PLD3: variants seen among roughly 807,000 people sequenced by gnomAD.
PLD3 encodes the protein 5'-3' exonuclease PLD3.
A neutral mutation model predicts 58.4 loss-of-function variants in PLD3; 31 were observed. The ratio of observed to expected loss-of-function variants is 0.53; its 90% CI spans 0.40 to 0.72. The LOEUF (loss-of-function observed/expected upper bound fraction) is 0.72. PLD3 is among the 30% of genes least tolerant of loss of function. PLD3 has a pLI of 0.00. For missense variants in PLD3, 595 were observed against 659.8 expected (o/e 0.90, Z 1.08); for synonymous variants, 264 against 273.4 (o/e 0.97, Z 0.34).
chr19:40,373,664 CA>C (rs1256228349), intron 9 of PLD3, among the ~76,000 whole-genome samples: 3 of 151,008 alleles, frequency 2.0e-5, no homozygotes, highest in Non-Finnish European at 1.5e-5. Flanking sequence ...GGTTCCCAGT[CA>C]AGGCAGGCTG....
chr19:40,365,237 T>C (rs1228699032), intron 1 of PLD3, among the ~76,000 whole-genome samples: 1 of 152,034 alleles, frequency 6.6e-6, no homozygotes, highest in African/African-American at 2.4e-5. Flanking sequence ...AGGAAAGGGG[T>C]CTCCAGTGTA....
At chr19:40,355,756 C>T (rs2078641520) in intron 1 of PLD3, 2 of 151,480 alleles carry the variant, frequency 1.3e-5, no homozygotes, top group African/African-American at 4.9e-5. Context: ...TTCCTATGCT[C>T]CATGGTACTG....
chr19:40,351,760 G>T, intron 1 of PLD3, among the ~76,000 whole-genome samples: 1 of 152,192 alleles, frequency 6.6e-6, no homozygotes, highest in Non-Finnish European at 1.5e-5. Context: ...CAGAAGGCTG[G>T]CTTTTACTCC....
intron 1 of PLD3, chr19:40,358,112 T>C (rs1451766019): frequency 6.6e-6 from 1 of 152,390 alleles, no homozygotes; most frequent in East Asian, 1.9e-4. Context: ...TTTGAGACCG[T>C]GTCTTGCTCT....
At chr19:40,374,437 T>A in intron 9 of PLD3, 44 bp from the exon 10 acceptor site, 4 of 1,608,668 alleles carry the variant, frequency 2.5e-6, no homozygotes, top group South Asian at 1.1e-5. Flanking sequence ...GTTGTGACGA[T>A]GACCCTGGCA....
Position 40,378,282 on chromosome 19 carries a change from T to A in PLD3, c.*109T>A. 9.7e-7 allele frequency: 1 copy of A among 1,025,910 alleles called. No homozygotes were observed. Among genetic ancestry groups the A allele is most frequent in the Non-Finnish European group, 1.5e-6 (1 of 660,516 alleles). 63.6% of individuals were successfully genotyped at this position (1,025,910 alleles called of 1,614,324 possible). A position where few individuals can be genotyped will look rare whatever the true frequency, so the allele number is the denominator to read the frequency against. On this transcript the variant is annotated 3_prime_UTR_variant, in exon 13 of 13. Coordinates refer to ENST00000409735, the MANE Select transcript of PLD3 (RefSeq NM_012268.4). ...CCGCTTCTGTCTGCCCCATTGTGGCTCCTCAGGCTCTCTCCCCTGCTCTCC... is the reference window on the plus strand; with the variant it reads ...CCGCTTCTGTCTGCCCCATTGTGGCACCTCAGGCTCTCTCCCCTGCTCTCC...
chr19:40,373,576 CAAA>C (rs1250262822), intron 9 of PLD3, among the ~76,000 whole-genome samples: 3 of 73,578 alleles, frequency 4.1e-5, no homozygotes, highest in Non-Finnish European at 2.7e-5. Flanking sequence ...GACTCCACTT[CAAA>C]AAAAAAAAAA....
At chr19:40,353,829 T>C (rs932377672) in intron 1 of PLD3, among the ~76,000 whole-genome samples, 13 of 152,008 alleles carry the variant, frequency 8.6e-5, no homozygotes, top group East Asian at 2.0e-4. Flanking sequence ...CCGCCCGCCT[T>C]GGCCTCCCAA....
chr19:40,372,863 C>T (rs896580127), intron 9 of PLD3, among the ~76,000 whole-genome samples: 2 of 152,032 alleles, frequency 1.3e-5, no homozygotes, highest in Admixed American at 1.3e-4. Flanking sequence ...GAGGCTGTTG[C>T]CCTGTCTCCA....
intron 1 of PLD3, among the ~76,000 whole-genome samples, chr19:40,349,411 C>T (rs1318139246): frequency 1.3e-5 from 2 of 152,148 alleles, no homozygotes; most frequent in Admixed American, 6.5e-5. Context: ...TCCGTGTCTT[C>T]GTCATTTCCC....
Position 40,367,842 on chromosome 19 carries a change from A to T in PLD3, c.392A>T (p.Asn131Ile). ...GCCTCCTTCTACTGGACCCTCACCA[A>T]CAATGACACCCACACGCAGGAGCCC... ...DIASFYWTLTNNDTHTQEPSA... is the reference protein window; with the variant it reads ...DIASFYWTLTINDTHTQEPSA... The change falls in exon 6 of 13, where the codon AAC (asparagine) becomes ATC (isoleucine). Residue 131 changes from asparagine to isoleucine, a missense_variant. Coordinates refer to ENST00000409735, the MANE Select transcript of PLD3 (RefSeq NM_012268.4). 1.9e-6 allele frequency: 3 copies of T among 1,579,274 alleles called. No homozygotes were observed. Among genetic ancestry groups the T allele is most frequent in the Non-Finnish European group, 2.6e-6 (3 of 1,164,292 alleles).
chr19:40,378,416 C>T lies in PLD3; in HGVS notation c.*243C>T. On this transcript the variant is annotated 3_prime_UTR_variant, in exon 13 of 13. Transcript: ENST00000409735. ...TGGGGGTGCATGCTGGGCCTGGCCCCCTGGCCCACCCCCACTTTCCAGGGC... is the reference window on the plus strand; with the variant it reads ...TGGGGGTGCATGCTGGGCCTGGCCCTCTGGCCCACCCCCACTTTCCAGGGC... 1 of 609,154 alleles carries T rather than the reference C, an allele frequency of 1.6e-6. No individual in the cohort carries two copies. The highest frequency in any genetic ancestry group is 2.9e-6 in the Non-Finnish European group (1 of 339,798). 37.7% of individuals were successfully genotyped at this position (609,154 alleles called of 1,614,324 possible). A position where few individuals can be genotyped will look rare whatever the true frequency, so the allele number is the denominator to read the frequency against.
At chr19:40,351,226 GTC>G (rs1017559143) in intron 1 of PLD3, among the ~76,000 whole-genome samples, 10 of 141,134 alleles carry the variant, frequency 7.1e-5, no homozygotes. Flanking sequence ...CGGAGACCCT[GTC>G]TCAAAACAAA....
chr19:40,377,882 A>C lies in PLD3; in HGVS notation c.1282A>C (p.Ile428Leu). The change falls in exon 12 of 13, where the codon ATC becomes CTC. Residue 428 changes from isoleucine (I) to leucine (L), a missense_variant. By Grantham distance (5) the Ile-to-Leu change is conservative. Coordinates refer to ENST00000409735, the MANE Select transcript of PLD3 (RefSeq NM_012268.4). ...KYMVTERATY[I>L]GTSNWSGNYF... ...CATGGTGACTGAACGCGCCACCTAC[A>C]TCGGTGAGTGTCTTGAGCACCACGG... The C allele has an allele frequency of 6.2e-7, 1 of 1,613,760 alleles. No homozygotes were observed. The highest frequency in any genetic ancestry group is 8.5e-7 in the Non-Finnish European group (1 of 1,179,716).
intron 1 of PLD3, among the ~76,000 whole-genome samples, chr19:40,355,104 G>T (rs191901653): frequency 6.6e-6 from 1 of 152,080 alleles, no homozygotes; most frequent in Non-Finnish European, 1.5e-5. Context: ...CTCCCAAAGT[G>T]CTGGGATTAC....
chr19:40,367,687 ACCCC>A lies in PLD3; in HGVS notation c.246-6_246-3del. On this transcript the variant is annotated splice_region_variant and splice_polypyrimidine_tract_variant and intron_variant, in intron 5 of 12. Coordinates refer to ENST00000409735, the MANE Select transcript of PLD3 (RefSeq NM_012268.4). ...CACCGTATGGCTGATAGCATCCCCCACCCCCCAGAGCAGTGCTGGTGGAAAGCAT... is the reference window on the plus strand; with the variant it reads ...CACCGTATGGCTGATAGCATCCCCCACCAGAGCAGTGCTGGTGGAAAGCAT... 2 of 1,592,318 alleles carry A rather than the reference ACCCC, an allele frequency of 1.3e-6. No individual in the cohort carries two copies. Among genetic ancestry groups the A allele is most frequent in the Non-Finnish European group, 1.7e-6 (2 of 1,164,552 alleles).
intron 1 of PLD3, among the ~76,000 whole-genome samples, chr19:40,355,501 C>T (rs1467085681): frequency 5.4e-5 from 8 of 146,986 alleles, no homozygotes; most frequent in Admixed American, 2.0e-4. Context: ...TTAGTAGAGA[C>T]GGGTTTCTCC....
chr19:40,378,320 C>T lies in PLD3; in HGVS notation c.*147C>T, dbSNP rs766312803. On this transcript the variant is annotated 3_prime_UTR_variant, in exon 13 of 13. Coordinates refer to ENST00000409735, the MANE Select transcript of PLD3 (RefSeq NM_012268.4). ...TCCCCTGCTCTCCCACCTCTACCTC[C>T]ACCCCCACCGGCCTGACGCTGTGGC... The T allele has an allele frequency of 1.3e-6, 1 of 783,458 alleles. No individual in the cohort carries two copies. The highest frequency in any genetic ancestry group is 2.2e-6 in the Non-Finnish European group (1 of 453,840). The allele number at this position is 783,458 out of a possible 1,614,324, so 48.5% of individuals were successfully genotyped here. A position where few individuals can be genotyped will look rare whatever the true frequency, so the allele number is the denominator to read the frequency against.
chr19:40,376,992 G>A (rs1384108493), intron 11 of PLD3, among the ~76,000 whole-genome samples: 2 of 150,340 alleles, frequency 1.3e-5, no homozygotes, highest in East Asian at 4.0e-4. Context: ...GGATGGGGGT[G>A]CAGAGAGAGG....
Sources: allele counts gnomAD v4.1 joint callset (sites outside exome capture counted in the v4.1 genomes callset), GRCh38; gene constraint gnomAD v4.1.1; transcripts MANE v1.5; gene names NCBI Gene and HGNC (gene_info 2026-07-23, HGNC 2026-07-21).